ERI1: variants seen among roughly 807,000 people sequenced by gnomAD.
The protein encoded by ERI1 is 3'-5' exoribonuclease 1.
In ERI1, 39 loss-of-function variants were observed where a neutral mutation model predicts 39.7. The ratio of observed to expected loss-of-function variants is 0.98; its 90% CI spans 0.76 to 1.28. The LOEUF is 1.28. ERI1 is among the 50% of genes most tolerant of loss of function. ERI1 has a pLI of 0.00. For synonymous variants in ERI1, 204 were observed against 149.6 expected (o/e 1.36, Z -2.65); for missense variants, 581 against 416.9 (o/e 1.39, Z -3.43).
intron 1 of ERI1, among the ~76,000 whole-genome samples, chr8:9,006,071 A>C (rs1410132087): frequency 2.0e-5 from 3 of 152,228 alleles, no homozygotes; most frequent in Admixed American, 6.5e-5. Flanking sequence ...ACGGATGCTG[A>C]TGCAAATGTA....
chr8:9,068,485 T>C (rs1450391991), intron 3 of ERI1, among the ~76,000 whole-genome samples: 1 of 152,032 alleles, frequency 6.6e-6, no homozygotes, highest in Middle Eastern at 3.2e-3. Flanking sequence ...TACAGGTGTG[T>C]GCCATGACGC....
At chr8:9,093,328 A>C (rs1799767814) in intron 3 of ERI1, among the ~76,000 whole-genome samples, 1 of 152,186 alleles carries the variant, frequency 6.6e-6, no homozygotes, top group Non-Finnish European at 1.5e-5. Flanking sequence ...CCTGGGCTGC[A>C]TGTGGCCCAA....
chr8:9,082,044 T>C (rs1799388651), intron 3 of ERI1, among the ~76,000 whole-genome samples: 1 of 152,076 alleles, frequency 6.6e-6, no homozygotes, highest in African/African-American at 2.4e-5. Flanking sequence ...CCCCACCCCA[T>C]TAGAACTCTT....
intron 5 of ERI1, 23 bp downstream of exon 5, chr8:9,018,429 T>G (rs1198932012): frequency 2.3e-6 from 3 of 1,301,276 alleles, no homozygotes; most frequent in Non-Finnish European, 2.2e-6. Flanking sequence ...GAAGATTATT[T>G]TTTTATATCT....
At chr8:9,081,050 G>A (rs1279932921) in intron 3 of ERI1, among the ~76,000 whole-genome samples, 2 of 152,190 alleles carry the variant, frequency 1.3e-5, no homozygotes, top group Non-Finnish European at 2.9e-5. Context: ...AACAATCATG[G>A]TGGAAGGTGA....
chr8:9,050,538 C>T (rs1798325892), intron 3 of ERI1, among the ~76,000 whole-genome samples: 1 of 151,458 alleles, frequency 6.6e-6, no homozygotes, highest in Admixed American at 6.6e-5. Context: ...TAGGTCTGTT[C>T]TTGAAGCTAG....
In ERI1 at chr8:9,002,990, G is replaced by T; in HGVS notation, c.-74G>T. 9.6e-7 allele frequency: 1 copy of T among 1,042,148 alleles called. No homozygotes were observed. The highest frequency in any genetic ancestry group is 1.2e-6 in the Non-Finnish European group (1 of 807,282). The allele number at this position is 1,042,148 out of a possible 1,614,324, so 64.6% of individuals were successfully genotyped here. On this transcript the variant is annotated 5_prime_UTR_variant, in exon 1 of 7. In the 5' UTR this introduces an upstream ATG that the reference lacks. Transcript: ENST00000250263. The stretch of plus-strand genomic sequence containing the variant: ...GTAATTTTTCAACGGAGAAAGGCGA[G>T]GCTTTCGGGCTCTGCAGAGTGAGAG...
Position 9,071,347 on chromosome 8 carries a change from G to C in ERI1, n.300-45001G>C, listed in dbSNP as rs563334525. Among the ~76,000 whole-genome samples the C allele has an allele frequency of 5.9e-5, 9 of 152,238 alleles. 1 individual carries two copies. In the South Asian group the frequency reaches 1.9e-3, roughly 32 times the overall value. ...AATTTCTATTCTAGTTATTACATTT[G>C]GGAGTAGAATGCACACCCATCACAA... On this transcript the variant is annotated intron_variant and non_coding_transcript_variant, in intron 3 of 3. Coordinates refer to the ERI1 transcript ENST00000518663.
At chr8:9,003,455 G>A (rs1482805382) in intron 1 of ERI1, among the ~76,000 whole-genome samples, 1 of 152,196 alleles carries the variant, frequency 6.6e-6, no homozygotes, top group Non-Finnish European at 1.5e-5. Context: ...ACTTAATTCT[G>A]TGTTCACGGT....
intron 3 of ERI1, among the ~76,000 whole-genome samples, chr8:9,066,811 C>G (rs1188508331): frequency 1.3e-5 from 2 of 152,016 alleles, no homozygotes; most frequent in African/African-American, 4.8e-5. Flanking sequence ...TGGTTTGTCT[C>G]TGTGGTGGCT....
chr8:9,011,780 A>G, intron 3 of ERI1, 28 bp downstream of exon 3: 2 of 1,524,640 alleles, frequency 1.3e-6, no homozygotes, highest in Non-Finnish European at 1.8e-6. Flanking sequence ...TTTTAATTGT[A>G]TTTCTAGCAG....
intron 4 of ERI1, among the ~76,000 whole-genome samples, chr8:9,017,232 G>A (rs1316457832): frequency 1.3e-5 from 2 of 151,748 alleles, no homozygotes; most frequent in Admixed American, 6.6e-5. Context: ...TAGTAGAGAC[G>A]GGTTTCACTG....
chr8:9,021,477 A>G (rs1414294595), intron 6 of ERI1, among the ~76,000 whole-genome samples: 8 of 152,188 alleles, frequency 5.3e-5, no homozygotes, highest in East Asian at 1.9e-4. Context: ...TTCATGAGAA[A>G]AGGTGCTTTT....
chr8:9,022,899 G>C (rs897414333), intron 6 of ERI1, among the ~76,000 whole-genome samples: 6 of 152,134 alleles, frequency 3.9e-5, no homozygotes, highest in African/African-American at 1.4e-4. Flanking sequence ...GCAGAAGTCA[G>C]ACATTATGTT....
chr8:9,099,143 G>C (rs978059497), intron 3 of ERI1, among the ~76,000 whole-genome samples: 2 of 152,030 alleles, frequency 1.3e-5, no homozygotes, highest in Non-Finnish European at 2.9e-5. Context: ...CCACAATTTG[G>C]TAAGTTTTAA....
At chr8:9,055,602 C>T (rs1253314596) in intron 3 of ERI1, among the ~76,000 whole-genome samples, 4 of 152,038 alleles carry the variant, frequency 2.6e-5, no homozygotes, top group East Asian at 1.9e-4. Flanking sequence ...TGCAGTGGTG[C>T]GATCTCGGCT....
intron 2 of ERI1, among the ~76,000 whole-genome samples, chr8:9,010,336 A>G (rs938512420): frequency 6.6e-5 from 10 of 151,394 alleles, no homozygotes; most frequent in African/African-American, 2.5e-4. Flanking sequence ...AGATAAAAAA[A>G]GAAAGTAATC....
At position 9,018,426 on chromosome 8, in the gene ERI1, A is replaced by G; in HGVS notation, c.692+20A>G. ...AGATGGGTAAGTATTTAGGAAGATT[A>G]TTTTTTTATATCTACTTTTTAAAGA... On this transcript the variant is annotated intron_variant, in intron 5 of 6. Transcript: ENST00000250263. The G allele has an allele frequency of 7.6e-7, 1 of 1,310,226 alleles. No individual in the cohort carries two copies. The highest frequency in any genetic ancestry group is 1.1e-6 in the Non-Finnish European group (1 of 921,070). The allele number at this position is 1,310,226 out of a possible 1,614,324, so 81.2% of individuals were successfully genotyped here. A position where few individuals can be genotyped will look rare whatever the true frequency, so the allele number is the denominator to read the frequency against.
At chr8:9,096,339 G>A (rs554579084) in intron 3 of ERI1, among the ~76,000 whole-genome samples, 1 of 152,254 alleles carries the variant, frequency 6.6e-6, no homozygotes, top group Admixed American at 6.5e-5. Flanking sequence ...TTGGAGGCTG[G>A]GGAAGAGTAT....
Sources: allele counts gnomAD v4.1 joint callset (sites outside exome capture counted in the v4.1 genomes callset), GRCh38; gene constraint gnomAD v4.1.1; transcripts MANE v1.5; gene names NCBI Gene and HGNC (gene_info 2026-07-23, HGNC 2026-07-21).